Variants in NDC1 observed in about 807,000 individuals in gnomAD.
NDC1 encodes NDC1 transmembrane nucleoporin, also known as nucleoporin NDC1.
A neutral mutation model predicts 89.8 loss-of-function variants in NDC1; 24 were observed. That is an observed-to-expected ratio of 0.27 (90% CI 0.19 to 0.38). The LOEUF is 0.38. Among genes scored for constraint, NDC1 ranks in the 10% least tolerant of loss-of-function variants. The pLI is 1.00. For synonymous variants in NDC1, 296 were observed against 284.8 expected (o/e 1.04, Z -0.39); for missense variants, 728 against 797.6 (o/e 0.91, Z 1.05).
At chr1:53,782,362 G>A (rs1264422514) in intron 16 of NDC1, among the ~76,000 whole-genome samples, 3 of 152,318 alleles carry the variant, frequency 2.0e-5, no homozygotes, top group Middle Eastern at 3.4e-3. Context: ...GGATCAGCAA[G>A]AGAATGGGTG....
intron 17 of NDC1, 27 bp downstream of exon 17, chr1:53,772,302 A>T (rs754827059): frequency 2.5e-6 from 4 of 1,608,496 alleles, no homozygotes; most frequent in Non-Finnish European, 3.4e-6. Context: ...AATAGGTATC[A>T]TCATGGATCA....
intron 16 of NDC1, among the ~76,000 whole-genome samples, chr1:53,778,577 A>T (rs1322857186): frequency 2.0e-5 from 3 of 151,908 alleles, no homozygotes; most frequent in Admixed American, 2.0e-4. Context: ...ACAAAGTGAG[A>T]CCCTGTCTCT....
intron 2 of NDC1, among the ~76,000 whole-genome samples, chr1:53,833,776 C>T (rs1649143331): frequency 6.6e-6 from 1 of 151,626 alleles, no homozygotes; most frequent in South Asian, 2.1e-4. Flanking sequence ...AGCATGTTTG[C>T]TAAGACTTAA....
intron 14 of NDC1, among the ~76,000 whole-genome samples, chr1:53,792,444 T>C (rs1299559808): frequency 6.6e-6 from 1 of 152,230 alleles, no homozygotes; most frequent in African/African-American, 2.4e-5. Context: ...TTATGCGTTA[T>C]CTATATTCTA....
chr1:53,819,737 C>T (rs1001680427), intron 5 of NDC1, among the ~76,000 whole-genome samples: 2 of 152,180 alleles, frequency 1.3e-5, no homozygotes, highest in African/African-American at 4.8e-5. Context: ...AGTGCTCCCT[C>T]TTTCTGTACA....
At chr1:53,802,820 T>C (rs1019425152) in intron 10 of NDC1, among the ~76,000 whole-genome samples, 1 of 152,178 alleles carries the variant, frequency 6.6e-6, no homozygotes, top group African/African-American at 2.4e-5. Context: ...ACTGTAAGTG[T>C]TTCAGAGTTG....
chr1:53,816,691 G>C (rs1025793968), intron 6 of NDC1, among the ~76,000 whole-genome samples: 4 of 150,438 alleles, frequency 2.7e-5, no homozygotes, highest in Admixed American at 1.3e-4. Context: ...CACAGAGTGG[G>C]AGAAAATCTT....
At chr1:53,837,836 T>G (rs1649287761) in intron 1 of NDC1, among the ~76,000 whole-genome samples, 1 of 152,216 alleles carries the variant, frequency 6.6e-6, no homozygotes, top group Admixed American at 6.5e-5. Flanking sequence ...TAATGCCACA[T>G]TTCTTTCCAA....
chr1:53,817,017 CA>C (rs954075510), intron 6 of NDC1, among the ~76,000 whole-genome samples: 73 of 152,258 alleles, frequency 4.8e-4, no homozygotes, highest in African/African-American at 1.7e-3. Flanking sequence ...ATGCGGTCAA[CA>C]AGGAACACTT....
intron 10 of NDC1, among the ~76,000 whole-genome samples, chr1:53,802,066 T>C (rs918056841): frequency 1.8e-4 from 27 of 152,320 alleles, no homozygotes; most frequent in Admixed American, 3.3e-4. Context: ...TGTGCTAGAA[T>C]GTACACTCTC....
intron 14 of NDC1, 35 bp from the exon 15 acceptor site, chr1:53,789,231 C>G: frequency 7.0e-7 from 1 of 1,431,722 alleles, no homozygotes. Flanking sequence ...AAGTGAATTC[C>G]CCTGAGCAAA....
At chr1:53,802,651 C>T (rs1647961990) in intron 10 of NDC1, among the ~76,000 whole-genome samples, 1 of 152,186 alleles carries the variant, frequency 6.6e-6, no homozygotes. Context: ...TGTACTCCAG[C>T]CTGGTGATAC....
intron 9 of NDC1, among the ~76,000 whole-genome samples, chr1:53,804,535 G>A (rs1447812538): frequency 6.6e-6 from 1 of 152,122 alleles, no homozygotes; most frequent in Non-Finnish European, 1.5e-5. Context: ...GGAGTGCAGT[G>A]ATGTGATCTC....
At chr1:53,819,641 G>A (rs1349166757) in intron 5 of NDC1, among the ~76,000 whole-genome samples, 2 of 152,218 alleles carry the variant, frequency 1.3e-5, no homozygotes, top group Non-Finnish European at 1.5e-5. Flanking sequence ...TACTGCCTTT[G>A]CACTGAATTT....
chr1:53,790,259 GGAGGCT>G (rs1435819683), intron 14 of NDC1, among the ~76,000 whole-genome samples: 1 of 151,810 alleles, frequency 6.6e-6, no homozygotes, highest in African/African-American at 2.4e-5. Flanking sequence ...CAGCTACTTG[GGAGGCT>G]GAGGCAGGAG....
chr1:53,821,212 T>C (rs1049309846), intron 5 of NDC1, among the ~76,000 whole-genome samples: 6 of 151,944 alleles, frequency 3.9e-5, no homozygotes, highest in Non-Finnish European at 8.8e-5. Flanking sequence ...GGTGGGCAGA[T>C]CACTTGAGGC....
At chr1:53,787,010 T>C (rs1256286442) in intron 16 of NDC1, 148 bp downstream of exon 16, 5 of 560,498 alleles carry the variant, frequency 8.9e-6, no homozygotes, top group East Asian at 2.9e-5. Flanking sequence ...GTCTTTTAGA[T>C]TGTAATTTCC....
chr1:53,812,136 A>G (rs1392967196), intron 6 of NDC1, among the ~76,000 whole-genome samples: 2 of 152,214 alleles, frequency 1.3e-5, no homozygotes, highest in African/African-American at 4.8e-5. Flanking sequence ...CTTCCCTCTG[A>G]CAGAGCCTAC....
intron 16 of NDC1, among the ~76,000 whole-genome samples, chr1:53,776,598 C>A (rs1427987668): frequency 6.6e-6 from 1 of 152,120 alleles, no homozygotes; most frequent in Non-Finnish European, 1.5e-5. Flanking sequence ...CATTTTATTT[C>A]TATTGGACAG....
Sources: allele counts gnomAD v4.1 joint callset (sites outside exome capture counted in the v4.1 genomes callset), GRCh38; gene constraint gnomAD v4.1.1; transcripts MANE v1.5; gene names NCBI Gene and HGNC (gene_info 2026-07-23, HGNC 2026-07-21).